The following SLC39A11 variants were observed in gnomAD, a reference collection of about 807,000 sequenced individuals.
SLC39A11 encodes solute carrier family 39 member 11.
A neutral mutation model predicts 36.1 loss-of-function variants in SLC39A11; 33 were observed. That is an observed-to-expected ratio of 0.91 (90% CI 0.69 to 1.22). SLC39A11 has a LOEUF of 1.22. Ranked by LOEUF, SLC39A11 falls within the 50% of genes most tolerant of loss-of-function variation. The probability of loss-of-function intolerance (pLI) is 0.00; values close to 1 mark genes in which losing one functional copy is unlikely to be tolerated. For missense variants in SLC39A11, 432 were observed against 430.3 expected (o/e 1.00, Z -0.03); for synonymous variants, 166 against 170.3 (o/e 0.97, Z 0.20).
In SLC39A11 at chr17:72,787,720, A is replaced by G. The variant is rs754709457; in HGVS notation, c.602-51001T>C. Reference sequence around the variant, plus strand: ...TAAACATCATTTTTAAAGTAGCAAAAACCAAGTACACAGAAAATCTGACAT... The same window carrying G: ...TAAACATCATTTTTAAAGTAGCAAAGACCAAGTACACAGAAAATCTGACAT... On this transcript the variant is annotated intron_variant, in intron 6 of 9. Transcript: ENST00000255559. 3.9e-5 allele frequency among the ~76,000 whole-genome samples: 6 copies of G among 152,242 alleles called. No homozygotes were observed. The East Asian group carries it at 5.8e-4, about 15-fold the overall frequency.
chr17:72,834,392 C>T (rs149096357), intron 6 of SLC39A11, among the ~76,000 whole-genome samples: 38 of 152,276 alleles, frequency 2.5e-4, no homozygotes, highest in Non-Finnish European at 5.0e-4. Flanking sequence ...GAAGCTGAGG[C>T]GGGTGGATCA....
At chr17:73,048,817 T>C (rs1403444630) in intron 3 of SLC39A11, among the ~76,000 whole-genome samples, 4 of 152,172 alleles carry the variant, frequency 2.6e-5, no homozygotes, top group African/African-American at 9.7e-5. Flanking sequence ...TTGCAGCCAA[T>C]GACTTGAGAA....
intron 7 of SLC39A11, among the ~76,000 whole-genome samples, chr17:72,657,511 AC>A (rs2070187890): frequency 6.6e-6 from 1 of 152,224 alleles, no homozygotes; most frequent in Non-Finnish European, 1.5e-5. Flanking sequence ...GCAATGGTTT[AC>A]CTCATTAGAA....
chr17:73,091,363 G>C (rs535812937), intron 1 of SLC39A11, among the ~76,000 whole-genome samples: 9 of 152,220 alleles, frequency 5.9e-5, no homozygotes, highest in South Asian at 2.1e-4. Flanking sequence ...GTAATCGCTT[G>C]AACCCGGGAG....
At chr17:72,773,990 C>T (rs773125055) in intron 6 of SLC39A11, among the ~76,000 whole-genome samples, 2 of 152,170 alleles carry the variant, frequency 1.3e-5, no homozygotes, top group Non-Finnish European at 2.9e-5. Context: ...ATGGCATTAA[C>T]GAAGCCAGAC....
At chr17:72,653,730 C>A (rs2143902834) in intron 7 of SLC39A11, among the ~76,000 whole-genome samples, 1 of 152,270 alleles carries the variant, frequency 6.6e-6, no homozygotes, top group South Asian at 2.1e-4. Flanking sequence ...TGAGTCACCT[C>A]ACCCGGCCTG....
chr17:72,791,623 T>C (rs548675581), intron 6 of SLC39A11, among the ~76,000 whole-genome samples: 1 of 152,308 alleles, frequency 6.6e-6, no homozygotes, highest in African/African-American at 2.4e-5. Context: ...GGTACTGATA[T>C]AGTGTGGCTC....
intron 7 of SLC39A11, among the ~76,000 whole-genome samples, chr17:72,681,279 G>T (rs1291842895): frequency 1.3e-5 from 2 of 152,190 alleles, no homozygotes; most frequent in Non-Finnish European, 2.9e-5. Context: ...CTACTCTGAG[G>T]AGTGGAATTG....
chr17:72,809,015 T>G (rs2077350658), intron 6 of SLC39A11, among the ~76,000 whole-genome samples: 1 of 152,208 alleles, frequency 6.6e-6, no homozygotes, highest in Non-Finnish European at 1.5e-5. Flanking sequence ...GAAACAACAT[T>G]ATCTCAGTGG....
At chr17:72,955,733 G>A (rs1219768098) in intron 4 of SLC39A11, among the ~76,000 whole-genome samples, 1 of 152,010 alleles carries the variant, frequency 6.6e-6, no homozygotes, top group East Asian at 1.9e-4. Flanking sequence ...TTATCTGAAC[G>A]AACTAAATGA....
intron 5 of SLC39A11, among the ~76,000 whole-genome samples, chr17:72,912,043 C>T (rs1215950170): frequency 6.6e-6 from 1 of 152,154 alleles, no homozygotes. Context: ...CAGGCACACT[C>T]CTGGTGGGCA....
At chr17:72,843,387 T>A (rs1483818624) in intron 6 of SLC39A11, among the ~76,000 whole-genome samples, 1 of 152,182 alleles carries the variant, frequency 6.6e-6, no homozygotes, top group African/African-American at 2.4e-5. Context: ...GGAAACCTAA[T>A]CCCCAATGGT....
intron 6 of SLC39A11, among the ~76,000 whole-genome samples, chr17:72,841,736 T>A (rs924639762): frequency 1.3e-5 from 2 of 152,128 alleles, no homozygotes; most frequent in African/African-American, 4.8e-5. Context: ...ATGCTTAAGT[T>A]GATGGGTTAT....
chr17:72,914,846 C>T (rs2083240766), intron 5 of SLC39A11, among the ~76,000 whole-genome samples: 1 of 121,692 alleles, frequency 8.2e-6, no homozygotes, highest in Admixed American at 8.2e-5. Context: ...CCAGCCTGGG[C>T]GACAGAGCCA....
chr17:72,939,953 T>A (rs1212429074), intron 5 of SLC39A11, among the ~76,000 whole-genome samples: 1 of 152,220 alleles, frequency 6.6e-6, no homozygotes. Context: ...AAATCCAAAA[T>A]GTTCCAAGGA....
intron 7 of SLC39A11, among the ~76,000 whole-genome samples, chr17:72,660,748 A>G (rs568409596): frequency 5.9e-4 from 90 of 152,246 alleles, no homozygotes; most frequent in African/African-American, 2.1e-3. Flanking sequence ...CCTCACCACT[A>G]CTGACATTTC....
chr17:72,975,955 G>C (rs1057388444), intron 4 of SLC39A11, among the ~76,000 whole-genome samples: 1 of 152,018 alleles, frequency 6.6e-6, no homozygotes, highest in Admixed American at 6.6e-5. Context: ...TGGATCACGA[G>C]GTCAGGAGAT....
intron 5 of SLC39A11, among the ~76,000 whole-genome samples, chr17:72,909,314 A>G (rs2082838969): frequency 6.6e-6 from 1 of 152,182 alleles, no homozygotes; most frequent in Non-Finnish European, 1.5e-5. Context: ...GAAGAATGCG[A>G]TTCTGGGGAG....
At chr17:73,049,401 C>T (rs1459989436) in intron 3 of SLC39A11, among the ~76,000 whole-genome samples, 2 of 151,638 alleles carry the variant, frequency 1.3e-5, no homozygotes, top group African/African-American at 2.4e-5. Flanking sequence ...GCTGGGCGGA[C>T]GCGCCTTCCA....
Sources: gnomAD v4.1 joint callset for allele counts (sites outside exome capture counted in the v4.1 genomes callset) on GRCh38, gnomAD v4.1.1 for gene constraint, MANE v1.5 for transcripts, NCBI Gene and HGNC (gene_info 2026-07-23, HGNC 2026-07-21) for gene names.